The following RABGAP1L variants were observed in gnomAD, a reference collection of about 807,000 sequenced individuals.
The protein encoded by RABGAP1L is rab GTPase-activating protein 1-like.
In RABGAP1L, 63 loss-of-function variants were observed where a neutral mutation model predicts 137.7. That is an observed-to-expected ratio of 0.46 (90% confidence interval 0.37 to 0.56). RABGAP1L has a LOEUF of 0.56. RABGAP1L is among the 20% of genes least tolerant of loss of function. The pLI, the probability that RABGAP1L is intolerant of heterozygous loss-of-function variation, is 0.00. For missense variants in RABGAP1L, 1,095 were observed against 1,244.0 expected, an observed-to-expected ratio of 0.88 and a Z score of 1.80; for synonymous variants, 431 against 433.7, an observed-to-expected ratio of 0.99 and a Z score of 0.08.
chr1:174,573,702 G>T (rs942860370), intron 13 of RABGAP1L, among the ~76,000 whole-genome samples: 10 of 151,760 alleles, frequency 6.6e-5, no homozygotes, highest in African/African-American at 2.2e-4. Flanking sequence ...ATAAGAAATG[G>T]CCATTCTTGG....
chr1:174,613,059 A>T (rs944552541), intron 13 of RABGAP1L, among the ~76,000 whole-genome samples: 1 of 150,288 alleles, frequency 6.7e-6, no homozygotes, highest in East Asian at 1.9e-4. Flanking sequence ...TATTTCCTTC[A>T]GTTCTGCTCT....
intron 14 of RABGAP1L, among the ~76,000 whole-genome samples, chr1:174,646,162 T>C (rs1674952453): frequency 6.6e-6 from 1 of 152,170 alleles, no homozygotes; most frequent in African/African-American, 2.4e-5. Flanking sequence ...TTCTGTAGGT[T>C]ACCTGTTCAC....
At chr1:174,657,899 A>G (rs1466820910) in intron 14 of RABGAP1L, among the ~76,000 whole-genome samples, 5 of 152,170 alleles carry the variant, frequency 3.3e-5, no homozygotes, top group Non-Finnish European at 7.4e-5. Context: ...ACTGCTTTTG[A>G]CAAATGCCCC....
At chr1:174,749,186 A>C (rs1193563335) in intron 17 of RABGAP1L, among the ~76,000 whole-genome samples, 3 of 152,056 alleles carry the variant, frequency 2.0e-5, no homozygotes, top group Admixed American at 6.5e-5. Flanking sequence ...AAAAAAAAAA[A>C]AAAGAAAAAA....
intron 21 of RABGAP1L, among the ~76,000 whole-genome samples, chr1:174,969,936 A>C (rs1450983138): frequency 1.3e-5 from 2 of 152,214 alleles, no homozygotes. Flanking sequence ...TGTCTATCTC[A>C]TAGAGATGAT....
At chr1:174,542,759 C>T (rs918416255) in intron 13 of RABGAP1L, among the ~76,000 whole-genome samples, 1 of 152,176 alleles carries the variant, frequency 6.6e-6, no homozygotes, top group African/African-American at 2.4e-5. Flanking sequence ...CTACACATTG[C>T]TTTAAATGTG....
chr1:174,495,931 G>T (rs1025350074), intron 13 of RABGAP1L, among the ~76,000 whole-genome samples: 9 of 152,032 alleles, frequency 5.9e-5, no homozygotes, highest in African/African-American at 1.7e-4. Flanking sequence ...TGTTACCCAG[G>T]TTGCTCTCGA....
chr1:174,251,305 A>G (rs1484680261), intron 6 of RABGAP1L, among the ~76,000 whole-genome samples: 1 of 152,022 alleles, frequency 6.6e-6, no homozygotes, highest in Non-Finnish European at 1.5e-5. Flanking sequence ...GTTCTAATCA[A>G]AATTGTTTTT....
intron 13 of RABGAP1L, among the ~76,000 whole-genome samples, chr1:174,612,053 C>T (rs1418484838): frequency 6.6e-6 from 1 of 152,202 alleles, no homozygotes; most frequent in Admixed American, 6.5e-5. Flanking sequence ...TTATTTCCTT[C>T]TCCTGCCTAA....
rs75717999 is a variant in RABGAP1L, at chr1:174,526,956, A to G, written c.1711-110419A>G. On this transcript the variant is annotated intron_variant, in intron 13 of 25. Transcript: ENST00000681986. Reference sequence around the variant, plus strand: ...ATCTTTTTACTTTTTAAATGTAGGCATTTATTGTTTTATATATCTCACTTA... The same window carrying G: ...ATCTTTTTACTTTTTAAATGTAGGCGTTTATTGTTTTATATATCTCACTTA... Among the ~76,000 whole-genome samples, 877 of 152,178 alleles carry G rather than the reference A, an allele frequency of 5.8e-3. 7 individuals are homozygous for G. Among genetic ancestry groups the G allele is most frequent in the African/African-American group, 0.02 (837 of 41,530 alleles).
chr1:174,562,749 C>G (rs935767178), intron 13 of RABGAP1L, among the ~76,000 whole-genome samples: 1 of 152,066 alleles, frequency 6.6e-6, no homozygotes. Context: ...CAAACTAACA[C>G]AAGAACAGAA....
At chr1:174,401,286 A>G (rs550049407) in intron 13 of RABGAP1L, among the ~76,000 whole-genome samples, 2 of 152,250 alleles carry the variant, frequency 1.3e-5, no homozygotes, top group South Asian at 2.1e-4. Flanking sequence ...CTCCTTAACT[A>G]TCTTCAGTCT....
intron 13 of RABGAP1L, among the ~76,000 whole-genome samples, chr1:174,426,491 GA>G (rs150783269): frequency 0.061 from 9,299 of 152,002 alleles, 404 homozygotes; most frequent in Admixed American, 0.095. Flanking sequence ...TTTGCCCTAT[GA>G]AAACTGATAA....
chr1:174,911,456 T>A (rs1199099897), intron 19 of RABGAP1L, among the ~76,000 whole-genome samples: 2 of 152,186 alleles, frequency 1.3e-5, no homozygotes, highest in Non-Finnish European at 2.9e-5. Flanking sequence ...TGAAATAGGG[T>A]CCCATTCACC....
At chr1:174,249,943 C>T (rs1672588014) in intron 5 of RABGAP1L, among the ~76,000 whole-genome samples, 1 of 152,064 alleles carries the variant, frequency 6.6e-6, no homozygotes. Flanking sequence ...GTGCCCGGCC[C>T]TCTTGCCCTT....
intron 11 of RABGAP1L, among the ~76,000 whole-genome samples, chr1:174,353,059 GGCCTGTGGCTCTATT>G (rs2148937016): frequency 6.6e-6 from 1 of 152,216 alleles, no homozygotes; most frequent in African/African-American, 2.4e-5. Context: ...TCTCATCCAT[GGCCTGTGGCTCTATT>G]GCCTGGCTAC....
intron 23 of RABGAP1L, 116 bp downstream of exon 23, chr1:174,979,006 C>G: frequency 7.7e-7 from 1 of 1,292,248 alleles, no homozygotes; most frequent in Non-Finnish European, 9.9e-7. Context: ...TAGCAGGACC[C>G]CATATCTACA....
At chr1:174,208,815 T>C (rs1483945457) in intron 1 of RABGAP1L, among the ~76,000 whole-genome samples, 3 of 152,196 alleles carry the variant, frequency 2.0e-5, no homozygotes, top group Admixed American at 6.5e-5. Flanking sequence ...CTGGAAGATA[T>C]TGTGGAAAAT....
intron 19 of RABGAP1L, among the ~76,000 whole-genome samples, chr1:174,855,610 T>C (rs756701050): frequency 9.2e-5 from 14 of 152,204 alleles, no homozygotes; most frequent in Admixed American, 3.3e-4. Flanking sequence ...TGTGATTTCA[T>C]AGGATCCTTA....
Sources: gnomAD v4.1 joint callset for allele counts (sites outside exome capture counted in the v4.1 genomes callset) on GRCh38, gnomAD v4.1.1 for gene constraint, MANE v1.5 for transcripts, NCBI Gene and HGNC (gene_info 2026-07-23, HGNC 2026-07-21) for gene names.